The following GFRA2 variants were observed in gnomAD, a reference collection of about 807,000 sequenced individuals.
The protein encoded by GFRA2 is GDNF family receptor alpha-2.
GFRA2 carries 17 observed loss-of-function variants against 48.3 expected under a neutral mutation model. The observed-to-expected ratio is 0.35, with a 90% CI of 0.24 to 0.53. The LOEUF (loss-of-function observed/expected upper bound fraction) is 0.53. GFRA2 is among the 20% of genes least tolerant of loss of function. GFRA2 has a pLI of 0.93. For missense variants in GFRA2, 660 were observed against 637.3 expected, an observed-to-expected ratio of 1.04 and a Z score of -0.38; for synonymous variants, 305 against 257.2, an observed-to-expected ratio of 1.19 and a Z score of -1.78.
At chr8:21,714,243 G>GTTTTTTTTTTTTTTTTTTTTTT (rs1385783305) in intron 4 of GFRA2, among the ~76,000 whole-genome samples, 1 of 46,042 alleles carries the variant, frequency 2.2e-5, no homozygotes, top group African/African-American at 7.1e-5. Flanking sequence ...CTGGTCTGAA[G>GTTTTTTTTTTTTTTTTTTTTTT]TTCTTTTTTT....
At chr8:21,726,143 C>T (rs773806347) in intron 4 of GFRA2, among the ~76,000 whole-genome samples, 1 of 152,190 alleles carries the variant, frequency 6.6e-6, no homozygotes, top group Non-Finnish European at 1.5e-5. Context: ...GGGTGGACTC[C>T]ACCCCACCGT....
At chr8:21,704,217 C>T (rs73669513) in intron 6 of GFRA2, among the ~76,000 whole-genome samples, 148 of 152,340 alleles carry the variant, frequency 9.7e-4, no homozygotes, top group African/African-American at 3.4e-3. Context: ...CTGACCGATG[C>T]CCAGCTAACC....
intron 4 of GFRA2, among the ~76,000 whole-genome samples, chr8:21,748,424 A>G (rs1055598087): frequency 2.8e-5 from 4 of 143,258 alleles, no homozygotes; most frequent in Non-Finnish European, 4.5e-5. Flanking sequence ...GAGTAAACAA[A>G]ACAGAAATAG....
intron 7 of GFRA2, among the ~76,000 whole-genome samples, chr8:21,697,789 G>A (rs1368934195): frequency 1.3e-5 from 2 of 152,168 alleles, no homozygotes; most frequent in Non-Finnish European, 2.9e-5. Context: ...CTGTTCTCGT[G>A]GTAGTGAGTA....
chr8:21,805,271 C>A (rs1807838894), intron 1 of GFRA2: 1 of 152,184 alleles, frequency 6.6e-6, no homozygotes, highest in African/African-American at 2.4e-5. Flanking sequence ...CAGCTCTTGG[C>A]CCTATCATAA....
At position 21,723,303 on chromosome 8, in the gene GFRA2, T is replaced by C. The variant is rs76399567; in HGVS notation, c.795-17262A>G. On this transcript the variant is annotated intron_variant, in intron 4 of 8. Coordinates refer to ENST00000524240, the MANE Select transcript of GFRA2 (RefSeq NM_001495.5). Reference sequence around the variant, plus strand: ...TGGCAAGGTTCTTCATGTCTTCTACTGGGGTCTCTCTCACCACCCTTCAGG... The same window carrying C: ...TGGCAAGGTTCTTCATGTCTTCTACCGGGGTCTCTCTCACCACCCTTCAGG... Among the ~76,000 whole-genome samples the C allele has an allele frequency of 9.1e-3, 1,385 of 152,286 alleles. 22 individuals carry two copies. Among genetic ancestry groups the C allele is most frequent in the African/African-American group, 0.032 (1,320 of 41,552 alleles).
intron 4 of GFRA2, among the ~76,000 whole-genome samples, chr8:21,732,093 G>A (rs1018802294): frequency 3.9e-5 from 6 of 152,214 alleles, no homozygotes; most frequent in Non-Finnish European, 7.3e-5. Context: ...ACATGCCAGC[G>A]GGCCAAGAGC....
At chr8:21,810,992 C>T (rs1055483090) in intron 1 of GFRA2, among the ~76,000 whole-genome samples, 1 of 152,226 alleles carries the variant, frequency 6.6e-6, no homozygotes, top group African/African-American at 2.4e-5. Context: ...GACAGCCTCG[C>T]AGAAGTGCTT....
At chr8:21,714,224 C>CAAT (rs547586728) in intron 4 of GFRA2, among the ~76,000 whole-genome samples, 7 of 137,536 alleles carry the variant, frequency 5.1e-5, no homozygotes, top group African/African-American at 1.9e-4. Context: ...CAGTGCTGAT[C>CAAT]AATACATACT....
intron 2 of GFRA2, among the ~76,000 whole-genome samples, chr8:21,804,631 C>T (rs1441209500): frequency 6.6e-6 from 1 of 152,164 alleles, no homozygotes; most frequent in Non-Finnish European, 1.5e-5. Context: ...TCCCCACGCT[C>T]TGTTTGGCAG....
At chr8:21,726,244 G>C (rs1224178922) in intron 4 of GFRA2, among the ~76,000 whole-genome samples, 3 of 152,104 alleles carry the variant, frequency 2.0e-5, no homozygotes, top group Non-Finnish European at 4.4e-5. Flanking sequence ...AGCTGCACCT[G>C]TGCATCCAAG....
At chr8:21,694,610 G>A (rs1158042043) in intron 7 of GFRA2, 93 bp from the exon 8 acceptor site, 3 of 1,175,570 alleles carry the variant, frequency 2.6e-6, no homozygotes, top group Non-Finnish European at 3.7e-6. Flanking sequence ...GCCATGCACT[G>A]TTGGCTCCGC....
chr8:21,715,284 G>A (rs1038367937), intron 4 of GFRA2, among the ~76,000 whole-genome samples: 1 of 152,134 alleles, frequency 6.6e-6, no homozygotes, highest in Non-Finnish European at 1.5e-5. Flanking sequence ...GGACTTCCTC[G>A]TTGGGCCAGA....
At chr8:21,708,511 C>T (rs1563219468) in intron 4 of GFRA2, among the ~76,000 whole-genome samples, 1 of 152,034 alleles carries the variant, frequency 6.6e-6, no homozygotes, top group Non-Finnish European at 1.5e-5. Flanking sequence ...TTATACGTCC[C>T]CCACAAAAAA....
At chr8:21,705,838 C>T (rs1802711910) in intron 5 of GFRA2, 94 bp downstream of exon 5, 3 of 771,674 alleles carry the variant, frequency 3.9e-6, no homozygotes, top group East Asian at 5.4e-5. Flanking sequence ...CAGGCTGTCT[C>T]CCCCAGCTGG....
chr8:21,747,063 C>G (rs1299193646), intron 4 of GFRA2, among the ~76,000 whole-genome samples: 3 of 152,294 alleles, frequency 2.0e-5, no homozygotes, highest in African/African-American at 7.2e-5. Context: ...TGCAGTCCTC[C>G]AGCTTTTGAG....
intron 7 of GFRA2, among the ~76,000 whole-genome samples, chr8:21,695,403 G>A (rs1246381185): frequency 2.6e-5 from 4 of 152,120 alleles, no homozygotes; most frequent in East Asian, 3.9e-4. Context: ...AAATTATGCC[G>A]CAATCACTGC....
Position 21,723,508 on chromosome 8 carries a change from C to CA in GFRA2, c.795-17468dup, listed in dbSNP as rs201891568. ...GGAAAGCTTTCTGGAGAGAGCTTTACAAAAAATAAAAGAGATTCCCCAGAG... is the reference window on the plus strand; with the variant it reads ...GGAAAGCTTTCTGGAGAGAGCTTTACAAAAAAATAAAAGAGATTCCCCAGAG... On this transcript the variant is annotated intron_variant, in intron 4 of 8. Coordinates refer to ENST00000524240, the MANE Select transcript of GFRA2 (RefSeq NM_001495.5). Among the ~76,000 whole-genome samples, 1,471 of 152,220 alleles carry CA rather than the reference C, an allele frequency of 9.7e-3. 30 individuals are homozygous for CA. Among genetic ancestry groups the CA allele is most frequent in the African/African-American group, 0.034 (1,422 of 41,542 alleles).
intron 4 of GFRA2, among the ~76,000 whole-genome samples, chr8:21,710,158 C>A (rs1267849111): frequency 6.6e-6 from 1 of 152,192 alleles, no homozygotes; most frequent in Admixed American, 6.5e-5. Context: ...TGACCTTGGG[C>A]TGGCCTGTCA....
Sources: gnomAD v4.1 joint callset for allele counts (sites outside exome capture counted in the v4.1 genomes callset) on GRCh38, gnomAD v4.1.1 for gene constraint, MANE v1.5 for transcripts, NCBI Gene and HGNC (gene_info 2026-07-23, HGNC 2026-07-21) for gene names.